KIAA1210: variants seen among roughly 807,000 people sequenced by gnomAD.
The protein encoded by KIAA1210 is acrosomal protein KIAA1210.
In KIAA1210, 48 loss-of-function variants were observed where a neutral mutation model predicts 78.9. That is an observed-to-expected ratio of 0.61 (90% CI 0.48 to 0.77). KIAA1210 has a LOEUF of 0.77. Among genes scored for constraint, KIAA1210 ranks in the 30% least tolerant of loss-of-function variants. The probability of loss-of-function intolerance (pLI) is 0.00; values close to 1 mark genes in which losing one functional copy is unlikely to be tolerated. For synonymous variants in KIAA1210, 406 were observed against 404.5 expected, an observed-to-expected ratio of 1.00 and a Z score of -0.04; for missense variants, 1,108 against 1,100.0, an observed-to-expected ratio of 1.01 and a Z score of -0.10.
intron 3 of KIAA1210, among the ~76,000 whole-genome samples, chrX:119,111,017 G>A (rs187739509): frequency 9.0e-6 from 1 of 110,533 alleles, no homozygotes; most frequent in African/African-American, 3.3e-5. Context: ...AACAAAGTTG[G>A]ATAACTTATA....
At chrX:119,139,584 C>G in intron 2 of KIAA1210, among the ~76,000 whole-genome samples, 1 of 111,737 alleles carries the variant, frequency 8.9e-6, no homozygotes, top group East Asian at 2.8e-4. Context: ...AGAAGGCTGT[C>G]CTCCCCGTGG....
rs1164459736 is a variant in KIAA1210 at position 119,108,366 on chromosome X, C to T, written c.463G>A (p.Val155Ile). 4.1e-6 allele frequency: 5 copies of T among 1,210,741 alleles called. No individual in the cohort carries two copies. Among genetic ancestry groups the T allele is most frequent in the Non-Finnish European group, 5.6e-6 (5 of 895,070 alleles). ...GTGATCTTGGGGCCAGCAACCCAGA[C>T]TGCACTTGTAGGCACATTTTGAAGC... is the stretch of plus-strand genomic sequence containing the variant. ...AVLQNVPTSA[V>I]WVAGPKITEN... The change falls in exon 5 of 12, where the codon GTC (valine) becomes ATC (isoleucine). Residue 155 changes from valine to isoleucine, a missense_variant. Val to Ile is a conservative substitution (Grantham distance 29). Transcript: ENST00000691062.
intron 2 of KIAA1210, among the ~76,000 whole-genome samples, chrX:119,119,345 A>T (rs959222437): frequency 8.0e-5 from 9 of 112,176 alleles, no homozygotes; most frequent in Non-Finnish European, 1.3e-4. Flanking sequence ...TTTGCTTGAT[A>T]ATTGCTGCTT....
At chrX:119,117,776 C>T (rs373300373) in intron 2 of KIAA1210, among the ~76,000 whole-genome samples, 9 of 109,797 alleles carry the variant, frequency 8.2e-5, no homozygotes, top group African/African-American at 2.3e-4. Flanking sequence ...GTAGAGACGA[C>T]GCTCTAGAAA....
chrX:119,088,309 T>A lies in KIAA1210; in HGVS notation c.2393A>T (p.Glu798Val). Residue 798 changes from glutamate (E) to valine (V), a missense_variant, in exon 9 of 12, where the codon GAG (glutamate) becomes GTG (valine). Coordinates refer to ENST00000691062, the MANE Select transcript of KIAA1210 (RefSeq NM_001394962.1). ...AGGCAGAGGCTTCATAGAAATGCTC[T>A]CTTCAACAGCCATGCTCTTTGGAGA... ...SSSPKSMAVE[E>V]SISMKPLPPK... The A allele has an allele frequency of 1.7e-6, 2 of 1,211,034 alleles. No homozygotes were observed. Among genetic ancestry groups the A allele is most frequent in the Non-Finnish European group, 2.2e-6 (2 of 895,162 alleles).
rs1008044051 is a variant in KIAA1210 at position 119,079,145 on chromosome X, G to A, written c.*2184C>T. The A allele has an allele frequency of 8.9e-6, 1 of 112,488 alleles. No individual in the cohort carries two copies. The highest frequency in any genetic ancestry group is 3.2e-5 in the African/African-American group (1 of 30,927). The allele number at this position is 112,488 out of a possible 1,213,427, so 9.3% of individuals were successfully genotyped here. On this transcript the variant is annotated 3_prime_UTR_variant, in exon 12 of 12. Coordinates refer to ENST00000691062, the MANE Select transcript of KIAA1210 (RefSeq NM_001394962.1). ...GCAAAATTTAGCATGTAATTGTACT[G>A]TGTCACATTATACCAGCATCAACAA... is the stretch of plus-strand genomic sequence containing the variant.
chrX:119,145,963 G>A (rs993246680), intron 2 of KIAA1210, among the ~76,000 whole-genome samples: 6 of 112,130 alleles, frequency 5.4e-5, no homozygotes, highest in Non-Finnish European at 7.5e-5. Flanking sequence ...TGTGAAGGAA[G>A]CATAAGAAGC....
chrX:119,125,735 A>ATATATTTTT (rs5903546), intron 1 of KIAA1210, among the ~76,000 whole-genome samples: 1 of 15,806 alleles, frequency 6.3e-5, no homozygotes, highest in African/African-American at 2.6e-4. Flanking sequence ...ATATATATAT[A>ATATATTTTT]TTTTTTTTTT....
At chrX:119,125,348 G>C (rs190964514) in intron 1 of KIAA1210, among the ~76,000 whole-genome samples, 1 of 109,972 alleles carries the variant, frequency 9.1e-6, no homozygotes, top group African/African-American at 3.3e-5. Flanking sequence ...ATCACTTCTC[G>C]AACATTACCT....
chrX:119,132,466 A>G (rs1340672052), upstream of KIAA1210, among the ~76,000 whole-genome samples: 1 of 110,836 alleles, frequency 9.0e-6, no homozygotes, highest in African/African-American at 3.3e-5. Context: ...AGCACACCCC[A>G]CTGCAAGCAC....
rs199760859 is a variant in KIAA1210, at chrX:119,081,257, ACT to A, written c.*70_*71del. ...ACTCCAATCTGGGTAACAGAGCGAG[ACT>A]CTGTCTCAAAAAAAAAAAAAAAAAA... On this transcript the variant is annotated 3_prime_UTR_variant, in exon 12 of 12. Transcript: ENST00000691062. 2,426 of 852,343 alleles carry A rather than the reference ACT, an allele frequency of 2.8e-3. 52 individuals carry two copies. In the African/African-American group the frequency reaches 0.055, roughly 19 times the overall value. 70.2% of individuals were successfully genotyped at this position (852,343 alleles called of 1,213,427 possible).
chrX:119,090,178 C>CTT (rs150584772), intron 8 of KIAA1210, among the ~76,000 whole-genome samples: 60 of 95,181 alleles, frequency 6.3e-4, no homozygotes, highest in African/African-American at 2.0e-3. Context: ...GCATGTATTG[C>CTT]TTTTTTTTTT....
At chrX:119,144,322 T>TAA (rs1929118150) in intron 2 of KIAA1210, among the ~76,000 whole-genome samples, 1 of 112,317 alleles carries the variant, frequency 8.9e-6, no homozygotes, top group South Asian at 3.7e-4. Context: ...TTCAGACACT[T>TAA]ACATTCCAAA....
intron 8 of KIAA1210, among the ~76,000 whole-genome samples, chrX:119,089,990 A>G (rs1927319040): frequency 9.0e-6 from 1 of 111,588 alleles, no homozygotes; most frequent in Non-Finnish European, 1.9e-5. Flanking sequence ...CCTTTTTACC[A>G]ATAGTCTGGT....
intron 9 of KIAA1210, 141 bp from the exon 10 acceptor site, chrX:119,085,687 G>T: frequency 1.8e-6 from 1 of 566,523 alleles, no homozygotes; most frequent in Non-Finnish European, 2.6e-6. Flanking sequence ...AACAGAGAAG[G>T]CCCCCCTTTT....
intron 6 of KIAA1210, among the ~76,000 whole-genome samples, chrX:119,104,003 C>T (rs1414168161): frequency 8.9e-6 from 1 of 112,161 alleles, no homozygotes; most frequent in Non-Finnish European, 1.9e-5. Context: ...GAGAACCAAA[C>T]AGGTTCTGGA....
intron 2 of KIAA1210, among the ~76,000 whole-genome samples, chrX:119,122,061 A>AATT (rs1556002691): frequency 5.3e-5 from 3 of 56,506 alleles, no homozygotes; most frequent in African/African-American, 2.2e-4. Context: ...CGCGCCCGGC[A>AATT]TTTTTTTTTT....
intron 1 of KIAA1210, chrX:119,147,708 G>A: frequency 2.6e-6 from 2 of 778,155 alleles, no homozygotes; most frequent in East Asian, 3.3e-5. Context: ...TTAGCCAAGA[G>A]GAAGTCCACG....
chrX:119,088,342 A>G lies in KIAA1210; in HGVS notation c.2360T>C (p.Val787Ala). 8.3e-7 allele frequency: 1 copy of G among 1,209,469 alleles called. No individual in the cohort carries two copies. Among genetic ancestry groups the G allele is most frequent in the Non-Finnish European group, 1.1e-6 (1 of 894,621 alleles). ...AGCCATGCTCTTTGGAGATGAGGAA[A>G]CTTCTTGCTCCACTTTAGGGTTCAC... Reference protein sequence around the residue: ...PWVNPKVEQEVSSSPKSMAVE... With the variant: ...PWVNPKVEQEASSSPKSMAVE... The change falls in exon 9 of 12, where the codon GTT (valine) becomes GCT (alanine). Residue 787 changes from valine to alanine, a missense_variant. Transcript: ENST00000691062.
Sources: allele counts gnomAD v4.1 joint callset (sites outside exome capture counted in the v4.1 genomes callset), GRCh38; gene constraint gnomAD v4.1.1; transcripts MANE v1.5; gene names NCBI Gene and HGNC (gene_info 2026-07-23, HGNC 2026-07-21).